PPP1R1C: variants seen among roughly 807,000 people sequenced by gnomAD.
PPP1R1C encodes the protein protein phosphatase 1 regulatory inhibitor subunit 1C.
In PPP1R1C, 15 loss-of-function variants were observed where a neutral mutation model predicts 17.4. That is an observed-to-expected ratio of 0.86 (90% CI 0.58 to 1.33). The LOEUF (loss-of-function observed/expected upper bound fraction) is 1.33, where lower values mean the gene tolerates loss of function less well. Among genes scored for constraint, PPP1R1C ranks in the 40% most tolerant of loss-of-function variants. PPP1R1C has a pLI of 0.00. For synonymous variants in PPP1R1C, 35 were observed against 43.1 expected (o/e 0.81, Z 0.73); for missense variants, 143 against 130.0 (o/e 1.10, Z -0.48).
At chr2:181,989,094 G>A (rs1166668866) in intron 2 of PPP1R1C, among the ~76,000 whole-genome samples, 1 of 152,100 alleles carries the variant, frequency 6.6e-6, no homozygotes, top group Admixed American at 6.5e-5. Context: ...TAATTTTATA[G>A]CAATTTTCCA....
chr2:182,105,982 G>A (rs1689236023), intron 4 of PPP1R1C, among the ~76,000 whole-genome samples: 1 of 152,144 alleles, frequency 6.6e-6, no homozygotes, highest in African/African-American at 2.4e-5. Flanking sequence ...TTCCTCTGAG[G>A]GCTGAAGGAA....
chr2:182,063,695 A>C lies in PPP1R1C; in HGVS notation c.181-36A>C, dbSNP rs769979571. The C allele has an allele frequency of 7.9e-5, 124 of 1,564,276 alleles. 1 individual carries two copies. The highest frequency in any genetic ancestry group is 1.0e-4 in the Non-Finnish European group (118 of 1,135,204). ...CTGATGGCATCGTACTTTGTATCCA[A>C]ATCTAAGGCTTTTACTTTTTTCTCT... is the stretch of plus-strand genomic sequence containing the variant. On this transcript the variant is annotated intron_variant, in intron 3 of 4. Transcript: ENST00000682840.
Position 182,063,801 on chromosome 2 carries a change from A to G in PPP1R1C, c.241+10A>G, listed in dbSNP as rs774152535. 85 of 1,610,928 alleles carry G rather than the reference A, an allele frequency of 5.3e-5. No individual in the cohort carries two copies. In the Admixed American group the frequency reaches 6.0e-4, roughly 11 times the overall value. On this transcript the variant is annotated intron_variant, in intron 4 of 4. Transcript: ENST00000682840. ...CCACCCACCATAAAAGGTACTGTTC[A>G]GGTACTGTTTCGGGTTGTCATGAGT... is the stretch of plus-strand genomic sequence containing the variant.
intron 2 of PPP1R1C, chr2:182,048,831 C>G (rs1200774421): frequency 6.6e-6 from 1 of 152,242 alleles, no homozygotes; most frequent in African/African-American, 2.4e-5. Context: ...AGTCTACTGC[C>G]CTACCACCCT....
At chr2:182,039,411 A>G (rs1005048303) in intron 2 of PPP1R1C, among the ~76,000 whole-genome samples, 3 of 151,984 alleles carry the variant, frequency 2.0e-5, no homozygotes, top group Non-Finnish European at 2.9e-5. Flanking sequence ...TTTGAGACAG[A>G]TCTCACTCTG....
chr2:182,072,607 T>C (rs1688172797), intron 4 of PPP1R1C, among the ~76,000 whole-genome samples: 2 of 152,086 alleles, frequency 1.3e-5, no homozygotes, highest in Non-Finnish European at 2.9e-5. Context: ...TCCTATGAAG[T>C]TTTGTTAGAA....
chr2:182,071,061 T>C (rs1248255586), intron 4 of PPP1R1C, among the ~76,000 whole-genome samples: 4 of 152,160 alleles, frequency 2.6e-5, no homozygotes, highest in Non-Finnish European at 5.9e-5. Context: ...GGGATTACAA[T>C]TGTACATGAG....
At chr2:182,034,657 G>A (rs1686948289) in intron 2 of PPP1R1C, among the ~76,000 whole-genome samples, 1 of 152,164 alleles carries the variant, frequency 6.6e-6, no homozygotes, top group South Asian at 2.1e-4. Flanking sequence ...GTCAATTTAA[G>A]TAGAAGGCTT....
chr2:181,958,568 G>A (rs968338793), intron 1 of PPP1R1C, among the ~76,000 whole-genome samples: 1 of 152,312 alleles, frequency 6.6e-6, no homozygotes, highest in African/African-American at 2.4e-5. Flanking sequence ...CATGAGTTGG[G>A]CAGTGGGTCC....
intron 2 of PPP1R1C, among the ~76,000 whole-genome samples, chr2:182,000,960 C>A (rs1297846827): frequency 1.3e-5 from 2 of 152,130 alleles, no homozygotes; most frequent in Non-Finnish European, 2.9e-5. Flanking sequence ...GAGGATGGAG[C>A]AACCCTCACT....
chr2:182,012,951 GT>G (rs1686136434), intron 2 of PPP1R1C, among the ~76,000 whole-genome samples: 1 of 151,860 alleles, frequency 6.6e-6, no homozygotes, highest in East Asian at 1.9e-4. Context: ...ACTTTTTATT[GT>G]TTCTATTTAT....
chr2:182,048,088 G>A (rs1272611365), intron 2 of PPP1R1C, among the ~76,000 whole-genome samples: 3 of 152,070 alleles, frequency 2.0e-5, no homozygotes, highest in Non-Finnish European at 2.9e-5. Flanking sequence ...CATTTAAAAT[G>A]GAAAGCTATA....
At chr2:181,992,159 C>A (rs865990232) in intron 2 of PPP1R1C, among the ~76,000 whole-genome samples, 1 of 152,136 alleles carries the variant, frequency 6.6e-6, no homozygotes, top group African/African-American at 2.4e-5. Context: ...ATTTTATATA[C>A]CTCAGAGAAG....
chr2:182,046,958 T>C (rs1438798898), intron 2 of PPP1R1C, among the ~76,000 whole-genome samples: 2 of 152,138 alleles, frequency 1.3e-5, no homozygotes, highest in African/African-American at 2.4e-5. Flanking sequence ...GCGACCTATG[T>C]GGAAAAAAAA....
chr2:182,014,235 G>A (rs1312911784), intron 2 of PPP1R1C, among the ~76,000 whole-genome samples: 1 of 152,186 alleles, frequency 6.6e-6, no homozygotes, highest in African/African-American at 2.4e-5. Flanking sequence ...CCTGGTCACT[G>A]TAGCTGTATC....
chr2:182,105,227 T>C (rs1689208843), intron 4 of PPP1R1C, among the ~76,000 whole-genome samples: 1 of 152,154 alleles, frequency 6.6e-6, no homozygotes, highest in African/African-American at 2.4e-5. Context: ...GAGGAAGGTG[T>C]GGGAATGTTG....
Position 181,961,312 on chromosome 2 carries a change from T to G in PPP1R1C, n.111+6678T>G. 1 of 733,564 alleles carries G rather than the reference T, an allele frequency of 1.4e-6. No individual in the cohort carries two copies. Among genetic ancestry groups the G allele is most frequent in the South Asian group, 1.4e-5 (1 of 70,218 alleles). 45.4% of individuals were successfully genotyped at this position (733,564 alleles called of 1,614,324 possible). A position where few individuals can be genotyped will look rare whatever the true frequency, so the allele number is the denominator to read the frequency against. Reference sequence around the variant, plus strand: ...GCTGTTGTCCAGGGCATCACCAAGATTGAAGTCATCATCATCAAGCAGGCG... The same window carrying G: ...GCTGTTGTCCAGGGCATCACCAAGAGTGAAGTCATCATCATCAAGCAGGCG... On this transcript the variant is annotated intron_variant and non_coding_transcript_variant, in intron 1 of 5. Coordinates refer to the PPP1R1C transcript ENST00000464264. This position sits in a 1 kb window ranked among gnomAD's most constrained non-coding sequence, Gnocchi z 5.8.
chr2:182,053,867 G>A (rs185026454), intron 2 of PPP1R1C, among the ~76,000 whole-genome samples: 1,871 of 151,858 alleles, frequency 0.012, 18 homozygotes, highest in South Asian at 0.037. Flanking sequence ...CACAACCTCC[G>A]CCTCCCAGGT....
downstream of PPP1R1C, among the ~76,000 whole-genome samples, chr2:182,122,307 C>T (rs998617): frequency 0.29 from 43,912 of 151,886 alleles, 7,553 homozygotes; most frequent in African/African-American, 0.48. Flanking sequence ...TGGAGAACAA[C>T]ATAATTTTAG....
Sources: gnomAD v4.1 joint callset for allele counts (sites outside exome capture counted in the v4.1 genomes callset) on GRCh38, gnomAD v4.1.1 for gene constraint, Gnocchi (gnomAD v3.1) non-coding constraint, MANE v1.5 for transcripts, NCBI Gene and HGNC (gene_info 2026-07-23, HGNC 2026-07-21) for gene names.